RNF121: variants seen among roughly 807,000 people sequenced by gnomAD.
RNF121 encodes the protein E3 ubiquitin ligase RNF121.
A neutral mutation model predicts 46.5 loss-of-function variants in RNF121; 21 were observed. The observed-to-expected ratio is 0.45, with a 90% confidence interval of 0.32 to 0.65. RNF121 has a LOEUF of 0.65. Ranked by LOEUF, RNF121 falls within the 30% of genes least tolerant of loss-of-function variation. RNF121 has a pLI of 0.04. For missense variants in RNF121, 346 were observed against 416.0 expected, an observed-to-expected ratio of 0.83 and a Z score of 1.46; for synonymous variants, 139 against 144.7, an observed-to-expected ratio of 0.96 and a Z score of 0.28.
chr11:71,972,507 C>CT (rs1277752685), intron 3 of RNF121, among the ~76,000 whole-genome samples: 1 of 152,076 alleles, frequency 6.6e-6, no homozygotes, highest in African/African-American at 2.4e-5. Context: ...CCAATGACCA[C>CT]TGAGTGGAAA....
chr11:71,960,585 G>A (rs971142245), intron 2 of RNF121, among the ~76,000 whole-genome samples, 165 bp from the exon 3 acceptor site: 1 of 152,126 alleles, frequency 6.6e-6, no homozygotes, highest in African/African-American at 2.4e-5. Context: ...CGACATGCCT[G>A]TCTGTTAGGG....
intron 1 of RNF121, among the ~76,000 whole-genome samples, chr11:71,943,348 C>T (rs143615453): frequency 7.6e-4 from 116 of 152,328 alleles, no homozygotes; most frequent in African/African-American, 2.6e-3. Flanking sequence ...GTTGGAAATA[C>T]GAGCTTATAG....
chr11:71,933,705 T>G (rs1223516559), intron 1 of RNF121, among the ~76,000 whole-genome samples: 2 of 152,202 alleles, frequency 1.3e-5, no homozygotes, highest in African/African-American at 4.8e-5. Context: ...TTGTCTGCCT[T>G]CCTCACTAGA....
At chr11:71,962,329 A>T (rs1954157355) in intron 3 of RNF121, 1 of 970,732 alleles carries the variant, frequency 1.0e-6, no homozygotes, top group Admixed American at 6.2e-5. Context: ...TTTCAATAAG[A>T]ACTTTTTCCT....
At chr11:71,933,915 T>A (rs1166235315) in intron 1 of RNF121, among the ~76,000 whole-genome samples, 1 of 152,264 alleles carries the variant, frequency 6.6e-6, no homozygotes, top group African/African-American at 2.4e-5. Context: ...TGCTTTTTTA[T>A]TAAATGTTTA....
intron 3 of RNF121, among the ~76,000 whole-genome samples, chr11:71,966,904 A>G (rs7937408): frequency 0.94 from 138,104 of 147,174 alleles, 64,971 homozygotes; most frequent in Non-Finnish European, 0.98. Flanking sequence ...TCACTCTGTC[A>G]CCCAGGCCGG....
intron 1 of RNF121, among the ~76,000 whole-genome samples, chr11:71,954,660 C>T (rs1013667312): frequency 6.6e-6 from 1 of 152,152 alleles, no homozygotes; most frequent in Non-Finnish European, 1.5e-5. Context: ...ATGCTTGGTC[C>T]ATTATGTCAA....
intron 7 of RNF121, 198 bp from the exon 8 acceptor site, chr11:71,995,252 A>AT: frequency 1.7e-6 from 1 of 599,612 alleles, no homozygotes; most frequent in Non-Finnish European, 3.0e-6. Context: ...TATTGTCTCC[A>AT]TTTTGCCCCA....
chr11:71,960,628 C>A, intron 2 of RNF121, 122 bp from the exon 3 acceptor site: 1 of 1,166,950 alleles, frequency 8.6e-7, no homozygotes, highest in Non-Finnish European at 1.2e-6. Context: ...GTGTGGTACC[C>A]TGCAGCTATG....
intron 1 of RNF121, among the ~76,000 whole-genome samples, chr11:71,944,891 C>G (rs1953676700): frequency 6.6e-6 from 1 of 152,190 alleles, no homozygotes; most frequent in East Asian, 1.9e-4. Flanking sequence ...TCCTTCAGTC[C>G]TAGCTGTATG....
At chr11:71,960,915 C>A (rs765963422) in intron 3 of RNF121, 24 bp downstream of exon 3, 2 of 1,610,052 alleles carry the variant, frequency 1.2e-6, no homozygotes, top group Admixed American at 1.7e-5. Flanking sequence ...CCTCTTACTT[C>A]TTTGTCTGTC....
At chr11:71,947,028 T>C (rs1953742347) in intron 1 of RNF121, among the ~76,000 whole-genome samples, 2 of 151,954 alleles carry the variant, frequency 1.3e-5, no homozygotes, top group Non-Finnish European at 2.9e-5. Context: ...CCACCACACC[T>C]GGCTAACTTG....
chr11:71,961,296 C>A (rs1356770429), intron 3 of RNF121, among the ~76,000 whole-genome samples: 1 of 152,096 alleles, frequency 6.6e-6, no homozygotes, highest in African/African-American at 2.4e-5. Context: ...TGTGGTGGCT[C>A]ATGTTTGTAA....
chr11:71,929,515 G>A (rs891760612), intron 1 of RNF121, among the ~76,000 whole-genome samples: 5 of 152,110 alleles, frequency 3.3e-5, no homozygotes, highest in Non-Finnish European at 2.9e-5. Context: ...CTCTGTCTAA[G>A]CCTAGGGTGG....
rs757767187 is a variant in RNF121, at chr11:71,990,601, A to G, written c.511A>G (p.Lys171Glu). The change falls in exon 6 of 9, where the codon AAA becomes GAA. Residue 171 changes from lysine to glutamate, a missense_variant. This residue lies in a region of RNF121 where 286 missense variants were observed against 383.8 expected (regional missense o/e 0.75). Coordinates refer to ENST00000361756, the MANE Select transcript of RNF121 (RefSeq NM_018320.5). ...GCTCTAATGCTTCCCTTGCAGGATC[A>G]AACCAGAAGATGCCATGGACTTTGG... is the stretch of plus-strand genomic sequence containing the variant. ...LFGLNLLFKI[K>E]PEDAMDFGIS... 1.2e-6 allele frequency: 2 copies of G among 1,613,956 alleles called. No individual in the cohort carries two copies. Among genetic ancestry groups the G allele is most frequent in the African/African-American group, 2.7e-5 (2 of 75,028 alleles).
At position 71,971,021 on chromosome 11, in the gene RNF121, A is replaced by G. The variant is rs552820523; in HGVS notation, c.243+10130A>G. Among the ~76,000 whole-genome samples, 59 of 152,352 alleles carry G rather than the reference A, an allele frequency of 3.9e-4. 1 individual carries two copies. The South Asian group carries it at 0.012, about 30-fold the overall frequency. On this transcript the variant is annotated intron_variant, in intron 3 of 8. Transcript: ENST00000361756. ...AAAATTAAAACTAGATTTGTACATA[A>G]TACTGAATACAAAGGGGACTCAAGA...
chr11:71,967,082 A>G (rs2134185069), intron 3 of RNF121, among the ~76,000 whole-genome samples: 1 of 147,854 alleles, frequency 6.8e-6, no homozygotes, highest in Middle Eastern at 3.5e-3. Context: ...CTTGTTAGCC[A>G]GGATGGTCTC....
At chr11:71,946,651 T>G (rs924380946) in intron 1 of RNF121, among the ~76,000 whole-genome samples, 3 of 151,722 alleles carry the variant, frequency 2.0e-5, no homozygotes, top group African/African-American at 4.8e-5. Context: ...CATGAGGTTT[T>G]TTTTTTTTTT....
chr11:71,932,073 C>G (rs1266701848), intron 1 of RNF121, among the ~76,000 whole-genome samples: 1 of 151,890 alleles, frequency 6.6e-6, no homozygotes, highest in African/African-American at 2.4e-5. Flanking sequence ...CTTTTTTTGT[C>G]TGGTTTCATT....
Sources: allele counts gnomAD v4.1 joint callset (sites outside exome capture counted in the v4.1 genomes callset), GRCh38; gene constraint gnomAD v4.1.1; regional missense constraint gnomAD v4.1.1; transcripts MANE v1.5; gene names NCBI Gene and HGNC (gene_info 2026-07-23, HGNC 2026-07-21).